Variants in KCND3 observed in about 807,000 individuals in gnomAD.
KCND3 encodes the protein potassium voltage-gated channel subfamily D member 3.
Under a neutral mutation model 51.1 loss-of-function variants are expected in KCND3, and 9 were observed. The ratio of observed to expected loss-of-function variants is 0.18; its 90% CI spans 0.11 to 0.31. The LOEUF is 0.31. Ranked by LOEUF, KCND3 falls within the 10% of genes least tolerant of loss-of-function variation. The probability of loss-of-function intolerance (pLI) is 1.00; values close to 1 mark genes in which losing one functional copy is unlikely to be tolerated. For synonymous variants in KCND3, 349 were observed against 368.0 expected (o/e 0.95, Z 0.59); for missense variants, 526 against 903.8 (o/e 0.58, Z 5.36).
chr1:111,819,442 C>T (rs1011756096), intron 2 of KCND3, among the ~76,000 whole-genome samples: 13 of 152,144 alleles, frequency 8.5e-5, no homozygotes, highest in African/African-American at 2.9e-4. Flanking sequence ...CTCTCTTCCC[C>T]TCCTCATTAA....
chr1:111,891,163 G>T (rs1432445583), intron 2 of KCND3, among the ~76,000 whole-genome samples: 1 of 152,156 alleles, frequency 6.6e-6, no homozygotes, highest in East Asian at 1.9e-4. Context: ...ACTTCATAGG[G>T]TTGTTAGAAG....
intron 2 of KCND3, among the ~76,000 whole-genome samples, chr1:111,917,427 A>C (rs1361904578): frequency 6.6e-6 from 1 of 152,200 alleles, no homozygotes; most frequent in African/African-American, 2.4e-5. Flanking sequence ...CTGGAACCTC[A>C]AAAGTGCTCA....
chr1:111,844,558 T>C (rs1364709703), intron 2 of KCND3, among the ~76,000 whole-genome samples: 2 of 152,210 alleles, frequency 1.3e-5, no homozygotes, highest in African/African-American at 4.8e-5. Flanking sequence ...CCCAGGTCCC[T>C]GACTATCCTC....
chr1:111,860,875 C>T (rs1353041409), intron 2 of KCND3, among the ~76,000 whole-genome samples: 1 of 152,216 alleles, frequency 6.6e-6, no homozygotes, highest in Non-Finnish European at 1.5e-5. Context: ...CAAGTCTTAG[C>T]CAGCATCTGT....
intron 2 of KCND3, among the ~76,000 whole-genome samples, chr1:111,854,463 A>T (rs966028416): frequency 1.3e-5 from 2 of 152,064 alleles, no homozygotes; most frequent in African/African-American, 4.8e-5. Context: ...CTTAGCCTAG[A>T]TAGGGACTTT....
At chr1:111,985,286 A>T (rs1478054878) in intron 1 of KCND3, among the ~76,000 whole-genome samples, 1 of 152,222 alleles carries the variant, frequency 6.6e-6, no homozygotes, top group Non-Finnish European at 1.5e-5. Context: ...TGAGGGGTAG[A>T]CACCACTGTA....
chr1:111,955,621 G>GTTCATTAGTGCTTAATGATT (rs1553182955), intron 2 of KCND3, among the ~76,000 whole-genome samples: 1 of 152,166 alleles, frequency 6.6e-6, no homozygotes. Context: ...TTGACACAAG[G>GTTCATTAGTGCTTAATGATT]TTCATTAGTG....
At chr1:111,929,325 G>T (rs1206227895) in intron 2 of KCND3, among the ~76,000 whole-genome samples, 1 of 152,180 alleles carries the variant, frequency 6.6e-6, no homozygotes, top group Non-Finnish European at 1.5e-5. Flanking sequence ...GTTTCCAGAT[G>T]CTGGGACTCC....
rs12076038 is a variant in KCND3, at chr1:111,983,109, A to G, written c.-72-311T>C. Among the ~76,000 whole-genome samples the G allele has an allele frequency of 0.042, 6,412 of 152,288 alleles. 356 individuals carry two copies. Among genetic ancestry groups the G allele is most frequent in the African/African-American group, 0.13 (5,201 of 41,544 alleles). ...CTCTTTAGCAGGAAGATCTGGCAAG[A>G]CGTGGGTAATAATCAGCTCTGAAAG... On this transcript the variant is annotated intron_variant, in intron 1 of 7. Coordinates refer to ENST00000302127, the MANE Select transcript of KCND3 (RefSeq NM_001378969.1).
intron 2 of KCND3, among the ~76,000 whole-genome samples, chr1:111,830,596 G>A (rs920146756): frequency 3.9e-5 from 6 of 152,162 alleles, no homozygotes; most frequent in Admixed American, 6.5e-5. Context: ...CTGAGTCTGC[G>A]CCCTGCTGTG....
chr1:111,958,856 G>A (rs142955982), intron 2 of KCND3, among the ~76,000 whole-genome samples: 2 of 152,322 alleles, frequency 1.3e-5, no homozygotes, highest in Non-Finnish European at 2.9e-5. Context: ...GGTTCTGAGG[G>A]TGGTGGTGGG....
chr1:111,901,227 A>C (rs955132418), intron 2 of KCND3, among the ~76,000 whole-genome samples: 6 of 150,992 alleles, frequency 4.0e-5, no homozygotes, highest in Non-Finnish European at 7.4e-5. Context: ...CTGCCCCTGG[A>C]GTCCAAAGGG....
At position 111,931,456 on chromosome 1, in the gene KCND3, G is replaced by A. The variant is rs574868490; in HGVS notation, c.1106+50165C>T. 5.3e-5 allele frequency among the ~76,000 whole-genome samples: 8 copies of A among 152,266 alleles called. No homozygotes were observed. In the East Asian group the frequency reaches 7.7e-4, roughly 15 times the overall value. On this transcript the variant is annotated intron_variant, in intron 2 of 7. Transcript: ENST00000302127. Reference sequence around the variant, plus strand: ...TGAGAGCAGACTCTGTCTTCCTCAAGGAAAAGGTCCCACAGAAAGGAGAGC... The same window carrying A: ...TGAGAGCAGACTCTGTCTTCCTCAAAGAAAAGGTCCCACAGAAAGGAGAGC...
chr1:111,917,475 A>C (rs1038577932), intron 2 of KCND3, among the ~76,000 whole-genome samples: 1 of 152,224 alleles, frequency 6.6e-6, no homozygotes, highest in African/African-American at 2.4e-5. Context: ...AAATGATTAC[A>C]GAACGGAACT....
At chr1:111,948,424 G>A (rs1672895422) in intron 2 of KCND3, among the ~76,000 whole-genome samples, 1 of 152,246 alleles carries the variant, frequency 6.6e-6, no homozygotes, top group South Asian at 2.1e-4. Context: ...GCCCTGGGAG[G>A]TGCCAGGGAG....
intron 2 of KCND3, among the ~76,000 whole-genome samples, chr1:111,864,998 T>C (rs1187176897): frequency 6.6e-6 from 1 of 151,680 alleles, no homozygotes; most frequent in Non-Finnish European, 1.5e-5. Context: ...GTGGTGGGGG[T>C]GGGCAGCAGG....
chr1:111,871,470 G>A (rs1668825300), intron 2 of KCND3, among the ~76,000 whole-genome samples: 1 of 152,106 alleles, frequency 6.6e-6, no homozygotes, highest in Admixed American at 6.6e-5. Context: ...GTGACAGGAA[G>A]GACAACGGTG....
At chr1:111,779,248 C>G (rs1420146548) in intron 5 of KCND3, among the ~76,000 whole-genome samples, 2 of 151,950 alleles carry the variant, frequency 1.3e-5, no homozygotes, top group South Asian at 4.1e-4. Flanking sequence ...TCACTTGAGG[C>G]CAGGAGTTTT....
chr1:111,957,743 C>T (rs1185674593), intron 2 of KCND3, among the ~76,000 whole-genome samples: 1 of 152,110 alleles, frequency 6.6e-6, no homozygotes, highest in African/African-American at 2.4e-5. Context: ...CAGATCTGTC[C>T]CATCTCTTGT....
Sources: allele counts gnomAD v4.1 joint callset (sites outside exome capture counted in the v4.1 genomes callset), GRCh38; gene constraint gnomAD v4.1.1; transcripts MANE v1.5; gene names NCBI Gene and HGNC (gene_info 2026-07-23, HGNC 2026-07-21).